Variants in SLC5A9 observed in about 807,000 individuals in gnomAD.
SLC5A9 encodes the protein sodium/glucose cotransporter 4.
A neutral mutation model predicts 70.9 loss-of-function variants in SLC5A9; 59 were observed. The observed-to-expected ratio is 0.83, with a 90% CI of 0.68 to 1.03. The LOEUF (loss-of-function observed/expected upper bound fraction) is 1.03, where lower values mean the gene tolerates loss of function less well. Among genes scored for constraint, SLC5A9 ranks in the 50% least tolerant of loss-of-function variants. The pLI, the probability that SLC5A9 is intolerant of heterozygous loss-of-function variation, is 0.00. For missense variants in SLC5A9, 832 were observed against 881.1 expected (o/e 0.94, Z 0.71); for synonymous variants, 340 against 346.5 (o/e 0.98, Z 0.21).
chr1:48,231,471 C>A (rs751718485), intron 5 of SLC5A9, 74 bp from the exon 6 acceptor site: 3 of 1,579,002 alleles, frequency 1.9e-6, no homozygotes, highest in Non-Finnish European at 1.7e-6. Context: ...CCCAGTGTGG[C>A]CATGCACAGG....
rs1021046750 is a variant in SLC5A9 at position 48,248,329 on chromosome 1, A to C, written c.*786A>C. The C allele has an allele frequency of 1.3e-5, 2 of 152,370 alleles. No homozygotes were observed. The highest frequency in any genetic ancestry group is 4.8e-5 in the African/African-American group (2 of 41,468). 9.4% of individuals were successfully genotyped at this position (152,370 alleles called of 1,614,324 possible). On this transcript the variant is annotated 3_prime_UTR_variant, in exon 14 of 14. Transcript: ENST00000438567. ...CTCTGTATTTAAGGGTAAGCCCCAC[A>C]GCGGGCAGCACAAACAGCCTGGGAG... is the stretch of plus-strand genomic sequence containing the variant.
At chr1:48,225,242 T>G (rs1420277130) in intron 2 of SLC5A9, among the ~76,000 whole-genome samples, 1 of 152,038 alleles carries the variant, frequency 6.6e-6, no homozygotes, top group Non-Finnish European at 1.5e-5. Flanking sequence ...ACACATAAGC[T>G]TAATATTGAA....
At chr1:48,242,377 C>T in intron 12 of SLC5A9, 80 bp from the exon 13 acceptor site, 1 of 1,487,202 alleles carries the variant, frequency 6.7e-7, no homozygotes, top group Non-Finnish European at 9.0e-7. Context: ...CTCAGATGGC[C>T]TTCCATAAAT....
intron 12 of SLC5A9, 138 bp from the exon 13 acceptor site, chr1:48,242,319 C>G: frequency 2.1e-6 from 2 of 945,748 alleles, no homozygotes; most frequent in South Asian, 1.6e-5. Context: ...GAGATCCGGG[C>G]CTCCTGACTC....
chr1:48,237,237 C>T (rs1277096500), intron 10 of SLC5A9, among the ~76,000 whole-genome samples: 2 of 151,510 alleles, frequency 1.3e-5, no homozygotes, highest in Non-Finnish European at 2.9e-5. Flanking sequence ...GAGAGAGGAT[C>T]AGCGCGTGGA....
Position 48,233,647 on chromosome 1 carries a change from T to C in SLC5A9, c.1034-8T>C. On this transcript the variant is annotated splice_region_variant and splice_polypyrimidine_tract_variant and intron_variant, in intron 8 of 13. Transcript: ENST00000438567. ...CACGGACTCTAACTGCCATTACTTC[T>C]TCCACAGACGAGGTGGGCTGCGTGG... The C allele has an allele frequency of 6.2e-7, 1 of 1,612,746 alleles. No individual in the cohort carries two copies. Among genetic ancestry groups the C allele is most frequent in the Non-Finnish European group, 8.5e-7 (1 of 1,178,934 alleles).
chr1:48,226,964 T>C (rs531047776), intron 2 of SLC5A9, among the ~76,000 whole-genome samples: 2 of 152,038 alleles, frequency 1.3e-5, no homozygotes, highest in South Asian at 2.1e-4. Context: ...TGAGTGCCTG[T>C]GTGAATTTGT....
intron 13 of SLC5A9, among the ~76,000 whole-genome samples, chr1:48,245,992 T>A (rs1644456472): frequency 6.6e-6 from 1 of 150,956 alleles, no homozygotes; most frequent in Non-Finnish European, 1.5e-5. Context: ...AAATATATAT[T>A]TTTAAATATG....
chr1:48,229,201 G>A, intron 3 of SLC5A9, 94 bp from the exon 4 acceptor site: 2 of 1,614,074 alleles, frequency 1.2e-6, no homozygotes, highest in Non-Finnish European at 1.7e-6. Context: ...CTGTTCGGGG[G>A]CCTCCCACAG....
In SLC5A9 at chr1:48,239,191, C is replaced by T. The variant is rs768711917; in HGVS notation, c.1462-131C>T. 1.3e-5 allele frequency: 9 copies of T among 676,476 alleles called. No homozygotes were observed. Among genetic ancestry groups the T allele is most frequent in the Non-Finnish European group, 2.3e-5 (9 of 388,200 alleles). The allele number at this position is 676,476 out of a possible 1,614,324, so 41.9% of individuals were successfully genotyped here. A position where few individuals can be genotyped will look rare whatever the true frequency, so the allele number is the denominator to read the frequency against. ...TCAGTATTAATGGAGAACTCATTTT[C>T]CCATTAGTAGATGGATTTGCCCAAC... On this transcript the variant is annotated intron_variant, in intron 11 of 13. Transcript: ENST00000438567. The surrounding 1 kb of genome is among the most constrained non-coding windows in gnomAD (Gnocchi z 4.2).
Position 48,243,936 on chromosome 1 carries a change from AAGG to A in SLC5A9, c.1837+1324_1837+1326del, listed in dbSNP as rs147587365. On this transcript the variant is annotated intron_variant, in intron 13 of 13. Coordinates refer to ENST00000438567, the MANE Select transcript of SLC5A9 (RefSeq NM_001011547.3). ...TGAATAAGACATTGTCTCTGTCCCC[AAGG>A]AGGTGAGAATCTCTTGGAGGCAAAC... Among the ~76,000 whole-genome samples, 527 of 152,330 alleles carry A rather than the reference AAGG, an allele frequency of 3.5e-3. 1 individual carries two copies. Among genetic ancestry groups the A allele is most frequent in the African/African-American group, 0.012 (494 of 41,580 alleles).
intron 9 of SLC5A9, among the ~76,000 whole-genome samples, chr1:48,234,976 A>AG (rs1369729565): frequency 6.6e-6 from 1 of 152,110 alleles, no homozygotes; most frequent in Non-Finnish European, 1.5e-5. Flanking sequence ...CAAGGGAGAG[A>AG]GGGGGACATC....
intron 6 of SLC5A9, 83 bp from the exon 7 acceptor site, chr1:48,231,863 G>A: frequency 6.3e-7 from 1 of 1,587,872 alleles, no homozygotes; most frequent in Non-Finnish European, 8.6e-7. Context: ...CAACCTGAGG[G>A]CCCACATGAG....
At chr1:48,224,628 G>A in intron 1 of SLC5A9, 96 bp from the exon 2 acceptor site, 1 of 1,241,554 alleles carries the variant, frequency 8.1e-7, no homozygotes, top group Non-Finnish European at 1.2e-6. Context: ...TGTCCCCACA[G>A]TGCCTGCACC....
At chr1:48,243,105 G>T (rs866388402) in intron 13 of SLC5A9, among the ~76,000 whole-genome samples, 7 of 152,010 alleles carry the variant, frequency 4.6e-5, no homozygotes, top group African/African-American at 1.7e-4. Flanking sequence ...TTACACCCAC[G>T]GTGTTTCCTC....
intron 13 of SLC5A9, among the ~76,000 whole-genome samples, chr1:48,244,765 T>A (rs1197080109): frequency 1.0e-3 from 139 of 136,418 alleles, no homozygotes; most frequent in African/African-American, 3.1e-3. Flanking sequence ...ATATTATATA[T>A]AAATTATATT....
intron 2 of SLC5A9, among the ~76,000 whole-genome samples, chr1:48,226,685 G>A (rs1221980279): frequency 3.9e-5 from 6 of 152,208 alleles, no homozygotes; most frequent in African/African-American, 7.2e-5. Flanking sequence ...GCAGTCGCCC[G>A]TCCTCTTCCA....
intron 2 of SLC5A9, among the ~76,000 whole-genome samples, chr1:48,226,159 C>T (rs56901003): frequency 0.024 from 3,684 of 152,254 alleles, 161 homozygotes; most frequent in African/African-American, 0.083. Flanking sequence ...CTACAGCCAC[C>T]TTCTCATCAG....
rs1306615062 is a variant in SLC5A9 at position 48,239,451 on chromosome 1, C to T, written c.1591C>T (p.Leu531=). The T allele has an allele frequency of 1.9e-6, 3 of 1,614,078 alleles. No homozygotes were observed. The highest frequency in any genetic ancestry group is 3.3e-5 in the Admixed American group (2 of 60,010). Residue 531 remains leucine, a synonymous_variant, in exon 12 of 14, where the codon CTG becomes TTG. Transcript: ENST00000438567. The surrounding 1 kb of genome is among the most constrained non-coding windows in gnomAD (Gnocchi z 4.2). ...AGCAGTGCTGAAGGACTTCCACTACCTGTACTTTGCAATCCTCCTCTGCGG... is the reference window on the plus strand; with the variant it reads ...AGCAGTGCTGAAGGACTTCCACTACTTGTACTTTGCAATCCTCCTCTGCGG... ...RPAVLKDFHY[L]YFAILLCGLT... is the part of the protein sequence containing the mutation.
Sources: gnomAD v4.1 joint callset for allele counts (sites outside exome capture counted in the v4.1 genomes callset) on GRCh38, gnomAD v4.1.1 for gene constraint, Gnocchi (gnomAD v3.1) non-coding constraint, MANE v1.5 for transcripts, NCBI Gene and HGNC (gene_info 2026-07-23, HGNC 2026-07-21) for gene names.